Variants in HPSE2 observed in about 807,000 individuals in gnomAD.
HPSE2 encodes heparanase 2 (inactive).
A neutral mutation model predicts 60.5 loss-of-function variants in HPSE2; 38 were observed. The observed-to-expected ratio is 0.63, with a 90% CI of 0.48 to 0.82. The LOEUF (loss-of-function observed/expected upper bound fraction) is 0.82, where lower values mean the gene tolerates loss of function less well. Ranked by LOEUF, HPSE2 falls within the 40% of genes least tolerant of loss-of-function variation. The pLI is 0.00. For synonymous variants in HPSE2, 295 were observed against 293.2 expected, an observed-to-expected ratio of 1.01 and a Z score of -0.06; for missense variants, 713 against 740.4, an observed-to-expected ratio of 0.96 and a Z score of 0.43.
At chr10:98,729,505 A>G (rs551277319) in intron 4 of HPSE2, among the ~76,000 whole-genome samples, 2 of 152,240 alleles carry the variant, frequency 1.3e-5, no homozygotes, top group East Asian at 3.9e-4. Flanking sequence ...GCTACTTGGG[A>G]GGCTGAGGCA....
chr10:98,703,665 A>AAAATCAC (rs1383367055), intron 5 of HPSE2, among the ~76,000 whole-genome samples: 5 of 152,206 alleles, frequency 3.3e-5, no homozygotes, highest in Admixed American at 6.5e-5. Flanking sequence ...ACCACTGACA[A>AAAATCAC]AAATCACATG....
chr10:98,952,363 G>A (rs549783795), intron 3 of HPSE2, among the ~76,000 whole-genome samples: 1 of 139,040 alleles, frequency 7.2e-6, no homozygotes, highest in African/African-American at 2.9e-5. Flanking sequence ...TGTGTGTCAG[G>A]GTGGGTATAG....
At chr10:98,792,680 T>C (rs1164891298) in intron 3 of HPSE2, among the ~76,000 whole-genome samples, 3 of 150,384 alleles carry the variant, frequency 2.0e-5, no homozygotes, top group African/African-American at 7.3e-5. Flanking sequence ...AAATGGTTCC[T>C]GCCACCCAGG....
chr10:99,301,674 C>T, the HPSE2 span, among the ~76,000 whole-genome samples: 2 of 152,150 alleles, frequency 1.3e-5, no homozygotes, highest in South Asian at 4.1e-4. Flanking sequence ...CTGTTCTAAA[C>T]AGCTAGACCA....
intron 3 of HPSE2, among the ~76,000 whole-genome samples, chr10:99,032,189 A>G (rs957931030): frequency 1.3e-5 from 2 of 152,220 alleles, no homozygotes; most frequent in Non-Finnish European, 2.9e-5. Flanking sequence ...CAGCTGTTGT[A>G]TCTAGATTCA....
intron 2 of HPSE2, among the ~76,000 whole-genome samples, chr10:99,197,445 T>C (rs1423860746): frequency 2.0e-5 from 3 of 152,202 alleles, no homozygotes; most frequent in Non-Finnish European, 4.4e-5. Flanking sequence ...TTATTTCACA[T>C]TGCATGCTTG....
chr10:98,745,770 T>C (rs1188066837), intron 3 of HPSE2, among the ~76,000 whole-genome samples: 2 of 152,194 alleles, frequency 1.3e-5, no homozygotes, highest in African/African-American at 4.8e-5. Flanking sequence ...GTAGAAGAGT[T>C]TACGTTATCC....
intron 9 of HPSE2, among the ~76,000 whole-genome samples, chr10:98,612,707 A>C (rs1945795472): frequency 6.6e-6 from 1 of 152,254 alleles, no homozygotes; most frequent in South Asian, 2.1e-4. Flanking sequence ...CATTTATGAA[A>C]GTGAACTGTA....
chr10:99,117,136 T>G (rs1844725400), intron 3 of HPSE2, among the ~76,000 whole-genome samples: 1 of 151,890 alleles, frequency 6.6e-6, no homozygotes, highest in East Asian at 1.9e-4. Flanking sequence ...AATAAAGAGA[T>G]TTTATAATTC....
At chr10:98,747,579 T>C (rs187948499) in intron 3 of HPSE2, among the ~76,000 whole-genome samples, 46 of 152,248 alleles carry the variant, frequency 3.0e-4, no homozygotes, top group African/African-American at 1.0e-3. Flanking sequence ...ATAGCAAAAA[T>C]TGGGAACTAG....
chr10:98,523,175 G>A (rs1281172478), intron 9 of HPSE2, among the ~76,000 whole-genome samples: 1 of 152,160 alleles, frequency 6.6e-6, no homozygotes, highest in Non-Finnish European at 1.5e-5. Context: ...GTAATTGTGG[G>A]TGAGTGACAG....
chr10:99,141,365 T>C (rs1333026661), intron 3 of HPSE2, among the ~76,000 whole-genome samples: 1 of 152,140 alleles, frequency 6.6e-6, no homozygotes, highest in African/African-American at 2.4e-5. Flanking sequence ...TACTCCATCA[T>C]CTCCCTGTAA....
At chr10:99,053,644 GA>G (rs1269995464) in intron 3 of HPSE2, among the ~76,000 whole-genome samples, 3 of 142,438 alleles carry the variant, frequency 2.1e-5, no homozygotes, top group Non-Finnish European at 3.0e-5. Flanking sequence ...ACCCTTGAAA[GA>G]AAGGAAACTA....
At chr10:98,927,110 G>T (rs970819829) in intron 3 of HPSE2, among the ~76,000 whole-genome samples, 2 of 152,082 alleles carry the variant, frequency 1.3e-5, no homozygotes, top group Non-Finnish European at 2.9e-5. Flanking sequence ...CTCTGTAGAT[G>T]TCTATTAGGT....
chr10:98,943,266 A>T (rs1354368063), intron 3 of HPSE2, among the ~76,000 whole-genome samples: 2 of 151,626 alleles, frequency 1.3e-5, no homozygotes, highest in East Asian at 3.9e-4. Flanking sequence ...AAAAAAATAA[A>T]TAAATAAAAA....
chr10:99,253,414 G>A, the HPSE2 span, among the ~76,000 whole-genome samples: 5 of 152,168 alleles, frequency 3.3e-5, no homozygotes, highest in African/African-American at 1.2e-4. Context: ...AATAAATGGT[G>A]CTGGCATAGC....
chr10:99,220,333 C>G (rs911173893), intron 2 of HPSE2, among the ~76,000 whole-genome samples: 3 of 152,008 alleles, frequency 2.0e-5, no homozygotes, highest in African/African-American at 7.2e-5. Context: ...TGCATATATT[C>G]TTTACCCACT....
intron 3 of HPSE2, among the ~76,000 whole-genome samples, chr10:99,124,349 T>C (rs1013705249): frequency 6.6e-6 from 1 of 152,212 alleles, no homozygotes; most frequent in Non-Finnish European, 1.5e-5. Context: ...ACTCACAGCC[T>C]GGCCCCCATG....
At chr10:99,000,387 A>T (rs1956750224) in intron 3 of HPSE2, among the ~76,000 whole-genome samples, 1 of 152,160 alleles carries the variant, frequency 6.6e-6, no homozygotes, top group African/African-American at 2.4e-5. Flanking sequence ...CAAGAGAAAG[A>T]TCAGGCTGGA....
Sources: gnomAD v4.1 joint callset for allele counts (sites outside exome capture counted in the v4.1 genomes callset) on GRCh38, gnomAD v4.1.1 for gene constraint, MANE v1.5 for transcripts, NCBI Gene and HGNC (gene_info 2026-07-23, HGNC 2026-07-21) for gene names.